ELMO1: variants seen among roughly 807,000 people sequenced by gnomAD.
ELMO1 encodes the protein engulfment and cell motility 1, also known as engulfment and cell motility protein 1.
A neutral mutation model predicts 98.9 loss-of-function variants in ELMO1; 26 were observed. The ratio of observed to expected loss-of-function variants is 0.26; its 90% confidence interval spans 0.19 to 0.36. The LOEUF (loss-of-function observed/expected upper bound fraction) is 0.36. Among genes scored for constraint, ELMO1 ranks in the 10% least tolerant of loss-of-function variants. ELMO1 has a pLI of 1.00. For missense variants in ELMO1, 627 were observed against 935.2 expected (o/e 0.67, Z 4.30); for synonymous variants, 346 against 346.0 (o/e 1.00, Z 0.00).
At chr7:37,335,789 C>T (rs1327846992) in intron 2 of ELMO1, among the ~76,000 whole-genome samples, 1 of 152,142 alleles carries the variant, frequency 6.6e-6, no homozygotes. Context: ...ACATCTTCTC[C>T]AAGCATTTGT....
intron 16 of ELMO1, among the ~76,000 whole-genome samples, chr7:36,921,836 G>A (rs1785173823): frequency 6.6e-6 from 1 of 152,146 alleles, no homozygotes; most frequent in Admixed American, 6.5e-5. Context: ...CTCACCTGGG[G>A]CATTTGCTGG....
intron 15 of ELMO1, among the ~76,000 whole-genome samples, chr7:37,065,519 T>A (rs1035223644): frequency 6.6e-6 from 1 of 152,160 alleles, no homozygotes; most frequent in Admixed American, 6.5e-5. Context: ...AAGTCACTCC[T>A]TCATGTGGTC....
At chr7:37,415,883 T>G (rs1583718713) in intron 1 of ELMO1, among the ~76,000 whole-genome samples, 1 of 152,086 alleles carries the variant, frequency 6.6e-6, no homozygotes, top group East Asian at 1.9e-4. Flanking sequence ...CCCCAACAAC[T>G]CATAAACCCA....
At chr7:37,083,980 A>G (rs1044249267) in intron 15 of ELMO1, among the ~76,000 whole-genome samples, 4 of 152,348 alleles carry the variant, frequency 2.6e-5, no homozygotes, top group Non-Finnish European at 5.9e-5. Context: ...GTGGGTAGAA[A>G]AAAAGCAGCA....
intron 16 of ELMO1, among the ~76,000 whole-genome samples, chr7:36,999,394 C>T (rs1792470456): frequency 6.6e-6 from 1 of 152,154 alleles, no homozygotes; most frequent in African/African-American, 2.4e-5. Flanking sequence ...ATCCTCAAAA[C>T]AACTCCATGA....
intron 1 of ELMO1, among the ~76,000 whole-genome samples, chr7:37,413,730 T>C (rs1342694268): frequency 2.0e-5 from 3 of 152,174 alleles, no homozygotes; most frequent in Non-Finnish European, 2.9e-5. Context: ...CAGGCTACAG[T>C]GCAGTGGCGT....
chr7:37,263,581 T>C (rs1242579258), intron 5 of ELMO1, among the ~76,000 whole-genome samples: 1 of 152,106 alleles, frequency 6.6e-6, no homozygotes, highest in East Asian at 1.9e-4. Flanking sequence ...CTTCTTTAGA[T>C]GGAGTGGTTT....
At chr7:37,336,059 A>C (rs1583576162) in intron 2 of ELMO1, among the ~76,000 whole-genome samples, 1 of 151,702 alleles carries the variant, frequency 6.6e-6, no homozygotes, top group Admixed American at 6.6e-5. Flanking sequence ...AAACCCCATC[A>C]CTACTAAAAA....
intron 1 of ELMO1, among the ~76,000 whole-genome samples, chr7:37,348,766 T>G (rs1348307356): frequency 6.6e-6 from 1 of 152,210 alleles, no homozygotes; most frequent in Non-Finnish European, 1.5e-5. Context: ...TGCCTCTTGC[T>G]GTAGTCTCTT....
chr7:37,211,301 C>G (rs574388824), intron 13 of ELMO1, 85 bp downstream of exon 13: 1 of 1,588,888 alleles, frequency 6.3e-7, no homozygotes, highest in Non-Finnish European at 8.6e-7. Context: ...GAGGACCACA[C>G]GCTCGGAAGA....
At chr7:37,277,765 C>T (rs1307356797) in intron 4 of ELMO1, among the ~76,000 whole-genome samples, 1 of 152,184 alleles carries the variant, frequency 6.6e-6, no homozygotes, top group African/African-American at 2.4e-5. Context: ...TCTCCCTCAC[C>T]CCCACACTCA....
intron 16 of ELMO1, chr7:36,985,870 A>G (rs1225268554): frequency 6.1e-6 from 6 of 991,452 alleles, no homozygotes; most frequent in African/African-American, 1.8e-5. Flanking sequence ...AGCTACATTT[A>G]GCTCAGGCTG....
chr7:37,039,551 T>G (rs1795382478), intron 15 of ELMO1, among the ~76,000 whole-genome samples: 1 of 152,228 alleles, frequency 6.6e-6, no homozygotes, highest in South Asian at 2.1e-4. Context: ...TGGACTTTTC[T>G]AGTTACAGCA....
chr7:37,326,618 C>G (rs924491572), intron 2 of ELMO1, among the ~76,000 whole-genome samples: 1 of 150,730 alleles, frequency 6.6e-6, no homozygotes, highest in African/African-American at 2.4e-5. Flanking sequence ...AATGATGATT[C>G]ATTTCAAAAA....
intron 2 of ELMO1, among the ~76,000 whole-genome samples, chr7:37,334,484 G>T (rs566900206): frequency 7.2e-5 from 11 of 152,220 alleles, no homozygotes; most frequent in African/African-American, 2.4e-4. Context: ...CCTGGGTTTT[G>T]GTGTTATACA....
rs1424562930 is a variant in ELMO1 at position 36,925,043 on chromosome 7, G to A, written c.1438-30026C>T. Among the ~76,000 whole-genome samples the A allele has an allele frequency of 2.6e-5, 4 of 152,122 alleles. No individual in the cohort carries two copies. In the East Asian group the frequency reaches 7.7e-4, roughly 29 times the overall value. ...TGGCATCTAGTGCGCAGAGGCCAGGGATGCTGCTACACGTTGTACAATGCA... is the reference window on the plus strand; with the variant it reads ...TGGCATCTAGTGCGCAGAGGCCAGGAATGCTGCTACACGTTGTACAATGCA... On this transcript the variant is annotated intron_variant, in intron 16 of 21. Coordinates refer to ENST00000310758, the MANE Select transcript of ELMO1 (RefSeq NM_014800.11).
rs112773113 is a variant in ELMO1 at position 37,297,172 on chromosome 7, C to T, written c.192+17678G>A. Among the ~76,000 whole-genome samples the T allele has an allele frequency of 6.6e-5, 10 of 152,260 alleles. 1 individual carries two copies. Among genetic ancestry groups the T allele is most frequent in the African/African-American group, 2.2e-4 (9 of 41,538 alleles). On this transcript the variant is annotated intron_variant, in intron 4 of 21. Transcript: ENST00000310758. The stretch of plus-strand genomic sequence containing the variant: ...TCTTAATAATAATAATAAAGCTTGC[C>T]TTCACTGTGCTCCTATCCATTATCA...
intron 2 of ELMO1, among the ~76,000 whole-genome samples, chr7:37,328,611 C>T (rs927337517): frequency 6.6e-6 from 1 of 152,214 alleles, no homozygotes; most frequent in Middle Eastern, 3.4e-3. Context: ...GTTCCTGGCA[C>T]ATAGGAAGTT....
chr7:37,211,357 A>C (rs1280987368), intron 13 of ELMO1, 29 bp downstream of exon 13: 1 of 1,613,630 alleles, frequency 6.2e-7, no homozygotes, highest in Non-Finnish European at 8.5e-7. Flanking sequence ...GGCTGGAGGG[A>C]GAGCGCATAC....
Sources: gnomAD v4.1 joint callset for allele counts (sites outside exome capture counted in the v4.1 genomes callset) on GRCh38, gnomAD v4.1.1 for gene constraint, MANE v1.5 for transcripts, NCBI Gene and HGNC (gene_info 2026-07-23, HGNC 2026-07-21) for gene names.